Variants in ARHGEF28 observed in about 807,000 individuals in gnomAD.
ARHGEF28 encodes the protein 190 kDa guanine nucleotide exchange factor.
A neutral mutation model predicts 206.6 loss-of-function variants in ARHGEF28; 152 were observed. The ratio of observed to expected loss-of-function variants is 0.74; its 90% confidence interval spans 0.64 to 0.84. The LOEUF (loss-of-function observed/expected upper bound fraction) is 0.84, where lower values mean the gene tolerates loss of function less well. ARHGEF28 is among the 40% of genes least tolerant of loss of function. The pLI is 0.00. For missense variants in ARHGEF28, 2,028 were observed against 2,073.2 expected (o/e 0.98, Z 0.42); for synonymous variants, 763 against 776.4 (o/e 0.98, Z 0.29).
intron 2 of ARHGEF28, among the ~76,000 whole-genome samples, chr5:73,688,027 A>G (rs964206749): frequency 3.3e-5 from 5 of 152,206 alleles, no homozygotes; most frequent in Non-Finnish European, 5.9e-5. Flanking sequence ...TGGAAAAACA[A>G]AATAACTCTG....
rs2112691032 is a variant in ARHGEF28 at position 73,894,447 on chromosome 5, A to T, written c.3713A>T (p.His1238Leu). The change falls in exon 29 of 36, where the codon CAT becomes CTT. Residue 1238 changes from histidine (H) to leucine (L), a missense_variant. Physicochemically the swap from His to Leu is moderately conservative, Grantham distance 99. This residue lies in a region of ARHGEF28 where 803 missense variants were observed against 768.0 expected (regional missense o/e 1.05). Coordinates refer to ENST00000513042, the MANE Select transcript of ARHGEF28 (RefSeq NM_001177693.2). ...QICAYLEEKL[H>L]IYAELGELSG... ...TGTGCGTATTTGGAGGAGAAGCTGC[A>T]TATCTATGCTGAACTTGGAGAACTG... is the stretch of plus-strand genomic sequence containing the variant. 2.5e-6 allele frequency: 4 copies of T among 1,613,834 alleles called. No individual in the cohort carries two copies. The South Asian group carries it at 4.4e-5, about 18-fold the overall frequency.
intron 9 of ARHGEF28, among the ~76,000 whole-genome samples, chr5:73,799,125 A>G (rs17634405): frequency 0.026 from 3,977 of 152,138 alleles, 64 homozygotes; most frequent in Non-Finnish European, 0.04. Context: ...TTTTGATCCT[A>G]TTTCTTAATC....
At chr5:73,699,898 G>C (rs530666684) in intron 2 of ARHGEF28, among the ~76,000 whole-genome samples, 1 of 152,274 alleles carries the variant, frequency 6.6e-6, no homozygotes, top group Non-Finnish European at 1.5e-5. Context: ...TCATAAATTA[G>C]ATTTAAAAAA....
intron 35 of ARHGEF28, among the ~76,000 whole-genome samples, chr5:73,922,229 G>A (rs1763560607): frequency 6.6e-6 from 1 of 152,156 alleles, no homozygotes; most frequent in Admixed American, 6.5e-5. Context: ...TTTAGATGGG[G>A]AATTCTTGAT....
rs2112396892 is a variant in ARHGEF28, at chr5:73,749,955, A to T, written c.152A>T (p.Glu51Val). ...CATGTCATGATTGCAGAGCGCATCG[A>T]GGATAACGTTCTCCAGTCCAGCGTC... ...QRHVMIAERIEDNVLQSSVPG... is the reference protein window; with the variant it reads ...QRHVMIAERIVDNVLQSSVPG... Residue 51 changes from glutamate to valine, a missense_variant, in exon 3 of 36, where the codon GAG (glutamate) becomes GTG (valine). This residue lies in a region of ARHGEF28 where 1,002 missense variants were observed against 1,015.3 expected (regional missense o/e 0.99). Transcript: ENST00000513042. The T allele has an allele frequency of 6.2e-7, 1 of 1,613,978 alleles. No individual in the cohort carries two copies. Among genetic ancestry groups the T allele is most frequent in the East Asian group, 2.2e-5 (1 of 44,874 alleles).
Position 73,892,058 on chromosome 5 carries a change from A to C in ARHGEF28, c.3394A>C (p.Lys1132Gln). Residue 1132 changes from lysine to glutamine, a missense_variant, in exon 27 of 36, where the codon AAG (lysine) becomes CAG (glutamine). Coordinates refer to ENST00000513042, the MANE Select transcript of ARHGEF28 (RefSeq NM_001177693.2). ...QKYIFAAVDQKPSVISLQKLI... is the reference protein window; with the variant it reads ...QKYIFAAVDQQPSVISLQKLI... Reference sequence around the variant, plus strand: ...ACCTTCCTATTTTATGTAGGATCAGAAGCCATCAGTTATTTCCCTTCAAAA... The same window carrying C: ...ACCTTCCTATTTTATGTAGGATCAGCAGCCATCAGTTATTTCCCTTCAAAA... 6.2e-7 allele frequency: 1 copy of C among 1,600,556 alleles called. No individual in the cohort carries two copies. Among genetic ancestry groups the C allele is most frequent in the Non-Finnish European group, 8.5e-7 (1 of 1,172,750 alleles).
At chr5:73,864,794 T>G (rs761264955) in intron 16 of ARHGEF28, 23 bp from the exon 17 acceptor site, 3 of 1,607,532 alleles carry the variant, frequency 1.9e-6, no homozygotes, top group Admixed American at 1.7e-5. Flanking sequence ...TGGATGCTTT[T>G]GTATCTTTTC....
chr5:73,840,529 C>A lies in ARHGEF28; in HGVS notation c.1196C>A (p.Thr399Asn). The change falls in exon 11 of 36, where the codon ACT becomes AAT. Residue 399 changes from threonine to asparagine, a missense_variant. Physicochemically the swap from Thr to Asn is moderately conservative, Grantham distance 65. Around this residue, in one of 3 missense-constraint regions of ARHGEF28, gnomAD observed 1,002 missense variants for 1,015.3 expected, o/e 0.99. Transcript: ENST00000513042. The part of the protein sequence containing the change: ...SYINIEGITA[T>N]TSPESRGCTL... ...ATTAATATAGAGGGAATCACTGCCA[C>A]TACCAGCCCTGAATCCAGAGGTTGC... The A allele has an allele frequency of 6.2e-7, 1 of 1,613,950 alleles. No individual in the cohort carries two copies. The highest frequency in any genetic ancestry group is 8.5e-7 in the Non-Finnish European group (1 of 1,179,840).
intron 9 of ARHGEF28, among the ~76,000 whole-genome samples, chr5:73,822,051 C>T (rs1756627739): frequency 6.6e-6 from 1 of 152,136 alleles, no homozygotes; most frequent in Non-Finnish European, 1.5e-5. Context: ...TTGTTTTCTT[C>T]TTCAATAATG....
intron 2 of ARHGEF28, among the ~76,000 whole-genome samples, chr5:73,733,996 G>T (rs1268778596): frequency 6.6e-6 from 1 of 152,046 alleles, no homozygotes; most frequent in African/African-American, 2.4e-5. Flanking sequence ...ATAAGATTTT[G>T]CAAGAACTCG....
intron 4 of ARHGEF28, among the ~76,000 whole-genome samples, chr5:73,772,443 A>G (rs1412702633): frequency 1.3e-5 from 2 of 152,106 alleles, no homozygotes; most frequent in African/African-American, 2.4e-5. Flanking sequence ...CAGTGGTGCA[A>G]TCTCCACTCA....
At chr5:73,666,328 T>G (rs1229000582) in intron 1 of ARHGEF28, among the ~76,000 whole-genome samples, 1 of 152,214 alleles carries the variant, frequency 6.6e-6, no homozygotes, top group South Asian at 2.1e-4. Context: ...CTCAACCCAG[T>G]AGCTCTGACA....
chr5:73,904,739 C>G (rs1169907084), intron 33 of ARHGEF28: 1 of 273,816 alleles, frequency 3.7e-6, no homozygotes. Flanking sequence ...TAAATTCACA[C>G]CTAAAATTCT....
intron 9 of ARHGEF28, among the ~76,000 whole-genome samples, chr5:73,824,616 C>T (rs1332563892): frequency 1.3e-5 from 2 of 151,968 alleles, no homozygotes; most frequent in African/African-American, 2.4e-5. Context: ...TTACAGCATG[C>T]GCCATCACGC....
chr5:73,648,793 C>T (rs548923161), intron 1 of ARHGEF28, among the ~76,000 whole-genome samples: 2 of 152,142 alleles, frequency 1.3e-5, no homozygotes, highest in Non-Finnish European at 2.9e-5. Context: ...TCTTCCTCCT[C>T]CTCTTCATTA....
intron 2 of ARHGEF28, among the ~76,000 whole-genome samples, chr5:73,738,030 C>T (rs1368843876): frequency 2.0e-5 from 3 of 152,154 alleles, no homozygotes; most frequent in Non-Finnish European, 2.9e-5. Flanking sequence ...ACAAAGGTGA[C>T]GGGAGCCCAG....
Position 73,832,459 on chromosome 5 carries a change from G to A in ARHGEF28, c.1146G>A (p.Gln382=). 6.2e-7 allele frequency: 1 copy of A among 1,611,768 alleles called. No individual in the cohort carries two copies. Among genetic ancestry groups the A allele is most frequent in the Non-Finnish European group, 8.5e-7 (1 of 1,179,014 alleles). ...EVYANCMVID[Q]VGDLDISYIN... is the part of the protein sequence containing the mutation. ...ACGCTAACTGTATGGTGATTGATCA[G>A]GTAAGGCCCAACTGACATTACAGGA... The change falls in exon 10 of 36, where the codon CAG becomes CAA. Residue 382 remains glutamine (Q), a splice_region_variant and synonymous_variant. Transcript: ENST00000513042.
At chr5:73,780,364 G>A (rs749012328) in intron 6 of ARHGEF28, 4 of 302,120 alleles carry the variant, frequency 1.3e-5, no homozygotes, top group African/African-American at 4.3e-5. Flanking sequence ...TCTTTCTGGC[G>A]TCAAGATTTT....
At chr5:73,839,242 GT>G (rs548763244) in intron 10 of ARHGEF28, among the ~76,000 whole-genome samples, 158 of 152,196 alleles carry the variant, frequency 1.0e-3, no homozygotes, top group African/African-American at 3.4e-3. Flanking sequence ...TAAAATTACT[GT>G]TTTTAAAAAA....
Sources: gnomAD v4.1 joint callset for allele counts (sites outside exome capture counted in the v4.1 genomes callset) on GRCh38, gnomAD v4.1.1 for gene constraint, gnomAD v4.1.1 regional missense constraint, MANE v1.5 for transcripts, NCBI Gene and HGNC (gene_info 2026-07-23, HGNC 2026-07-21) for gene names.